Variants in ACTR2 observed in about 807,000 individuals in gnomAD.
The protein encoded by ACTR2 is actin related protein 2.
In ACTR2, 5 loss-of-function variants were observed where a neutral mutation model predicts 50.2. The observed-to-expected ratio is 0.10, with a 90% CI of 0.05 to 0.21. The LOEUF (loss-of-function observed/expected upper bound fraction) is 0.21, where lower values mean the gene tolerates loss of function less well. Among genes scored for constraint, ACTR2 ranks in the 10% least tolerant of loss-of-function variants. ACTR2 has a pLI of 1.00. For synonymous variants in ACTR2, 140 were observed against 162.9 expected, an observed-to-expected ratio of 0.86 and a Z score of 1.07; for missense variants, 180 against 480.6, an observed-to-expected ratio of 0.37 and a Z score of 5.85.
At chr2:65,252,672 A>T (rs1417689955) in intron 4 of ACTR2, among the ~76,000 whole-genome samples, 4 of 152,020 alleles carry the variant, frequency 2.6e-5, no homozygotes, top group South Asian at 2.1e-4. Context: ...AAAAATAAAT[A>T]AAAAAAGTTT....
intron 4 of ACTR2, among the ~76,000 whole-genome samples, chr2:65,251,391 C>T (rs1352716911): frequency 3.3e-5 from 5 of 151,918 alleles, no homozygotes; most frequent in African/African-American, 7.3e-5. Context: ...GACAGATTTT[C>T]GCTTTTGTTG....
At chr2:65,247,757 A>G (rs757253999) in intron 3 of ACTR2, among the ~76,000 whole-genome samples, 1 of 152,184 alleles carries the variant, frequency 6.6e-6, no homozygotes, top group Admixed American at 6.5e-5. Flanking sequence ...GAGGCAGGAA[A>G]GATTTATTGA....
chr2:65,256,237 T>C (rs144845320), intron 6 of ACTR2, among the ~76,000 whole-genome samples: 1 of 152,308 alleles, frequency 6.6e-6, no homozygotes, highest in East Asian at 1.9e-4. Flanking sequence ...TTCTAGAGCA[T>C]TGCTTTACTA....
At chr2:65,252,329 T>C (rs1672068283) in intron 4 of ACTR2, among the ~76,000 whole-genome samples, 1 of 151,994 alleles carries the variant, frequency 6.6e-6, no homozygotes, top group Admixed American at 6.6e-5. Context: ...CATCAAGGAA[T>C]TATATCCACT....
intron 5 of ACTR2, among the ~76,000 whole-genome samples, chr2:65,254,077 CATG>C (rs1260508904): frequency 6.6e-6 from 1 of 152,130 alleles, no homozygotes; most frequent in Non-Finnish European, 1.5e-5. Context: ...AGTGTACACA[CATG>C]ATCTCTGTAT....
intron 6 of ACTR2, among the ~76,000 whole-genome samples, chr2:65,256,455 A>G (rs1411794967): frequency 6.6e-6 from 1 of 152,236 alleles, no homozygotes; most frequent in Non-Finnish European, 1.5e-5. Context: ...TCTTTGATCT[A>G]GTTATTACTA....
chr2:65,233,600 T>G (rs1294039540), intron 1 of ACTR2, among the ~76,000 whole-genome samples: 1 of 151,960 alleles, frequency 6.6e-6, no homozygotes, highest in Admixed American at 6.6e-5. Context: ...ATAATTTTTT[T>G]TTTAATTATT....
intron 1 of ACTR2, among the ~76,000 whole-genome samples, chr2:65,238,950 A>G (rs978919112): frequency 3.3e-5 from 5 of 151,884 alleles, no homozygotes; most frequent in African/African-American, 1.2e-4. Context: ...CCTGGGCGAC[A>G]AGAGTGAAAC....
chr2:65,228,666 C>T (rs1428889985), intron 1 of ACTR2, among the ~76,000 whole-genome samples: 2 of 152,134 alleles, frequency 1.3e-5, no homozygotes, highest in African/African-American at 2.4e-5. Flanking sequence ...GTTAATTCCA[C>T]TAGCCTTAGG....
intron 7 of ACTR2, among the ~76,000 whole-genome samples, chr2:65,263,996 A>C (rs955322875): frequency 6.6e-6 from 1 of 152,178 alleles, no homozygotes; most frequent in Non-Finnish European, 1.5e-5. Context: ...CGGAGGTTGC[A>C]GTGAGCCGAG....
At position 65,255,626 on chromosome 2, in the gene ACTR2, G is replaced by T; in HGVS notation, c.667G>T (p.Val223Leu). 3.1e-6 allele frequency: 5 copies of T among 1,614,036 alleles called. No homozygotes were observed. The highest frequency in any genetic ancestry group is 4.2e-6 in the Non-Finnish European group (5 of 1,179,918). The change falls in exon 6 of 9, where the codon GTG (valine) becomes TTG (leucine). Residue 223 changes from valine (V) to leucine (L), a missense_variant. Physicochemically the swap from Val to Leu is conservative, Grantham distance 32. Coordinates refer to ENST00000260641, the MANE Select transcript of ACTR2 (RefSeq NM_005722.4). The stretch of plus-strand genomic sequence containing the variant: ...CATGATTAAAGAAAAACTGTGTTAC[G>T]TGGGATATAATATTGAGCAAGAGCA... ...VRMIKEKLCY[V>L]GYNIEQEQKL...
At chr2:65,234,858 A>G (rs951550691) in intron 1 of ACTR2, among the ~76,000 whole-genome samples, 3 of 152,190 alleles carry the variant, frequency 2.0e-5, no homozygotes, top group Non-Finnish European at 1.5e-5. Context: ...TTTTTTTGAG[A>G]TAATTTATAC....
chr2:65,247,152 C>A (rs888963092), intron 3 of ACTR2, among the ~76,000 whole-genome samples: 1 of 151,976 alleles, frequency 6.6e-6, no homozygotes, highest in Non-Finnish European at 1.5e-5. Flanking sequence ...GGGCACCAAC[C>A]CTCCCTACTC....
chr2:65,256,145 C>T (rs560163991), intron 6 of ACTR2, among the ~76,000 whole-genome samples: 2 of 152,222 alleles, frequency 1.3e-5, no homozygotes, highest in African/African-American at 2.4e-5. Context: ...ATATAGTATG[C>T]GTGTTTTTCA....
chr2:65,235,441 TATC>T (rs1224733630), intron 1 of ACTR2, among the ~76,000 whole-genome samples: 7 of 152,310 alleles, frequency 4.6e-5, no homozygotes, highest in African/African-American at 1.4e-4. Context: ...TATGCTATCA[TATC>T]ATGCTAACTT....
chr2:65,262,469 G>T (rs1295305037), intron 7 of ACTR2, among the ~76,000 whole-genome samples: 2 of 149,346 alleles, frequency 1.3e-5, no homozygotes, highest in Admixed American at 6.7e-5. Flanking sequence ...TCGAACTCCT[G>T]GCCTCAAGTG....
chr2:65,242,360 A>G (rs558984012), intron 2 of ACTR2, among the ~76,000 whole-genome samples: 10 of 152,176 alleles, frequency 6.6e-5, no homozygotes, highest in Non-Finnish European at 1.3e-4. Context: ...TGTGTTGTGC[A>G]TAATATTAGA....
intron 1 of ACTR2, among the ~76,000 whole-genome samples, chr2:65,232,592 AT>A (rs1193392924): frequency 1.1e-4 from 16 of 152,212 alleles, no homozygotes; most frequent in African/African-American, 3.9e-4. Flanking sequence ...ATGAGATAAA[AT>A]TAGTAAGGGG....
chr2:65,258,311 C>G lies in ACTR2; in HGVS notation c.735+2617C>G, dbSNP rs541047783. Among the ~76,000 whole-genome samples, 267 of 152,156 alleles carry G rather than the reference C, an allele frequency of 1.8e-3. 1 individual carries two copies. Among genetic ancestry groups the G allele is most frequent in the African/African-American group, 6.3e-3 (260 of 41,496 alleles). On this transcript the variant is annotated intron_variant, in intron 6 of 8. Coordinates refer to ENST00000260641, the MANE Select transcript of ACTR2 (RefSeq NM_005722.4). ...TACAAATAGGCTGGGTGTAGTGGCT[C>G]ACACCGGTAATCCCAGCACTTTGGG...
Sources: gnomAD v4.1 joint callset for allele counts (sites outside exome capture counted in the v4.1 genomes callset) on GRCh38, gnomAD v4.1.1 for gene constraint, MANE v1.5 for transcripts, NCBI Gene and HGNC (gene_info 2026-07-23, HGNC 2026-07-21) for gene names.